SEMA3B: variants seen among roughly 807,000 people sequenced by gnomAD.
The protein encoded by SEMA3B is semaphorin 3B.
SEMA3B carries 71 observed loss-of-function variants against 77.8 expected under a neutral mutation model. The ratio of observed to expected loss-of-function variants is 0.91; its 90% CI spans 0.75 to 1.11. The LOEUF (loss-of-function observed/expected upper bound fraction) is 1.11. SEMA3B is among the 50% of genes most tolerant of loss of function. SEMA3B has a pLI of 0.00. For synonymous variants in SEMA3B, 470 were observed against 452.9 expected, an observed-to-expected ratio of 1.04 and a Z score of -0.48; for missense variants, 968 against 1,056.8, an observed-to-expected ratio of 0.92 and a Z score of 1.17.
At position 50,270,817 on chromosome 3, in the gene SEMA3B, G is replaced by A. The variant is rs1701026588; in HGVS notation, c.331-73G>A. On this transcript the variant is annotated intron_variant, in intron 3 of 16. Coordinates refer to ENST00000616701, the MANE Select transcript of SEMA3B (RefSeq NM_001290060.2). The surrounding 1 kb of genome is among the most constrained non-coding windows in gnomAD (Gnocchi z 4.7). ...TGATGCCGAAGAGAGGGAGGGGTGA[G>A]GATGCCACTGGTGAGCTGGGACCTC... 6.5e-7 allele frequency: 1 copy of A among 1,542,934 alleles called. No individual in the cohort carries two copies.
Position 50,270,346 on chromosome 3 carries a change from C to G in SEMA3B, c.267+62C>G. ...AGGAGCCCTGGGACCCCACTCCAGC[C>G]TGGAGAGACCCAGAGGAATGGCTCC... On this transcript the variant is annotated intron_variant, in intron 2 of 16. Coordinates refer to ENST00000616701, the MANE Select transcript of SEMA3B (RefSeq NM_001290060.2). The surrounding 1 kb of genome is among the most constrained non-coding windows in gnomAD (Gnocchi z 4.7). 6.2e-7 allele frequency: 1 copy of G among 1,609,762 alleles called. No individual in the cohort carries two copies. The highest frequency in any genetic ancestry group is 8.5e-7 in the Non-Finnish European group (1 of 1,176,744).
rs782289230 is a variant in SEMA3B at position 50,273,313 on chromosome 3, A to G, written c.680A>G (p.Lys227Arg). The G allele has an allele frequency of 2.5e-6, 4 of 1,613,880 alleles. No individual in the cohort carries two copies. Among genetic ancestry groups the G allele is most frequent in the Admixed American group, 1.7e-5 (1 of 60,010 alleles). Residue 227 changes from lysine (K) to arginine (R), a missense_variant, in exon 7 of 17, where the codon AAG (lysine) becomes AGG (arginine). Transcript: ENST00000616701. The surrounding 1 kb of genome is among the most constrained non-coding windows in gnomAD (Gnocchi z 6.5). ...CCGCGGTCAGAGCCCAAGTTTGTCA[A>G]GGTATTTTGGATCCCGGAGAGCGAG... ...SRWLNEPKFVKVFWIPESENP... is the reference protein window; with the variant it reads ...SRWLNEPKFVRVFWIPESENP...
chr3:50,270,140 G>T lies in SEMA3B; in HGVS notation c.123G>T (p.Trp41Cys). The T allele has an allele frequency of 1.3e-6, 2 of 1,556,348 alleles. No homozygotes were observed. The highest frequency in any genetic ancestry group is 1.7e-6 in the Non-Finnish European group (2 of 1,151,670). The change falls in exon 2 of 17, where the codon TGG becomes TGT. Residue 41 changes from tryptophan (W) to cysteine (C), a missense_variant. Physicochemically the swap from Trp to Cys is radical, Grantham distance 215. Transcript: ENST00000616701. This position sits in a 1 kb window ranked among gnomAD's most constrained non-coding sequence, Gnocchi z 4.7. ...LRLSFQELQAWHGLQTFSLER... is the reference protein window; with the variant it reads ...LRLSFQELQACHGLQTFSLER... The stretch of plus-strand genomic sequence containing the variant: ...CCTGCCCTGCAGAGCTCCAGGCCTG[G>T]CATGGTCTCCAGACTTTCAGCCTGG...
chr3:50,277,364 A>G lies in SEMA3B; in HGVS notation c.*658A>G, dbSNP rs1228569127. ...TCAGGAGATGGAAACCATCCCGGCT[A>G]ACACGGTGAAACCCCGTCTGTACTA... On this transcript the variant is annotated 3_prime_UTR_variant, in exon 17 of 17. Transcript: ENST00000616701. 2 of 151,968 alleles carry G rather than the reference A, an allele frequency of 1.3e-5. No homozygotes were observed. The highest frequency in any genetic ancestry group is 2.9e-5 in the Non-Finnish European group (2 of 68,028). The allele number at this position is 151,968 out of a possible 1,614,324, so 9.4% of individuals were successfully genotyped here. A position where few individuals can be genotyped will look rare whatever the true frequency, so the allele number is the denominator to read the frequency against.
At position 50,275,372 on chromosome 3, in the gene SEMA3B, G is replaced by A; in HGVS notation, c.1562G>A (p.Arg521His). The A allele has an allele frequency of 6.3e-7, 1 of 1,586,548 alleles. No individual in the cohort carries two copies. Among genetic ancestry groups the A allele is most frequent in the Non-Finnish European group, 8.6e-7 (1 of 1,167,528 alleles). ...IALHRCAAHG[R>H]VCTECCLARD... ...TTGCACCGCTGCGCTGCCCACGGCC[G>A]CGTCTGCACCGAATGCTGTCTGGCG... The change falls in exon 14 of 17, where the codon CGC becomes CAC. Residue 521 changes from arginine to histidine, a missense_variant. Coordinates refer to ENST00000616701, the MANE Select transcript of SEMA3B (RefSeq NM_001290060.2). This position sits in a 1 kb window ranked among gnomAD's most constrained non-coding sequence, Gnocchi z 7.5.
At position 50,273,956 on chromosome 3, in the gene SEMA3B, G is replaced by A; in HGVS notation, c.1036G>A (p.Asp346Asn). 1 of 1,613,624 alleles carries A rather than the reference G, an allele frequency of 6.2e-7. No individual in the cohort carries two copies. The highest frequency in any genetic ancestry group is 2.2e-5 in the East Asian group (1 of 44,860). The change falls in exon 10 of 17, where the codon GAC becomes AAC. Residue 346 changes from aspartate (D) to asparagine (N), a missense_variant. Transcript: ENST00000616701. The surrounding 1 kb of genome is among the most constrained non-coding windows in gnomAD (Gnocchi z 6.5). ...GSAVCVYSMN[D>N]VRRAFLGPFA... ...TGCGGTGTGCGTGTACAGCATGAAC[G>A]ACGTGCGCCGGGCCTTCTTGGGACC...
rs1490011078 is a variant in SEMA3B at position 50,273,743 on chromosome 3, G to A, written c.923-16G>A. ...GGGGCTGTGCGCCCTACCCCAGCTA[G>A]GCCCCTTCCCCGCAGAGGATGTGTT... On this transcript the variant is annotated splice_polypyrimidine_tract_variant and intron_variant, in intron 8 of 16. Coordinates refer to ENST00000616701, the MANE Select transcript of SEMA3B (RefSeq NM_001290060.2). The surrounding 1 kb of genome is among the most constrained non-coding windows in gnomAD (Gnocchi z 6.5). 22 of 1,604,916 alleles carry A rather than the reference G, an allele frequency of 1.4e-5. No individual in the cohort carries two copies. Among genetic ancestry groups the A allele is most frequent in the Non-Finnish European group, 1.9e-5 (22 of 1,178,666 alleles).
In SEMA3B at chr3:50,274,813, A is replaced by C; in HGVS notation, c.1358-30A>C. ...CTAGCCCCAGCTGTCCGGGAGCACC[A>C]ATGGTCATTACCCCTTCTCATCCCT... On this transcript the variant is annotated intron_variant, in intron 11 of 16. Coordinates refer to ENST00000616701, the MANE Select transcript of SEMA3B (RefSeq NM_001290060.2). This position sits in a 1 kb window ranked among gnomAD's most constrained non-coding sequence, Gnocchi z 4.7. 3 of 1,605,260 alleles carry C rather than the reference A, an allele frequency of 1.9e-6. No individual in the cohort carries two copies. Among genetic ancestry groups the C allele is most frequent in the Non-Finnish European group, 2.5e-6 (3 of 1,176,634 alleles).
Position 50,269,263 on chromosome 3 carries a change from C to T in SEMA3B, c.23C>T (p.Ala8Val), listed in dbSNP as rs1553704930. 1 of 1,537,328 alleles carries T rather than the reference C, an allele frequency of 6.5e-7. No homozygotes were observed. Among genetic ancestry groups the T allele is most frequent in the Non-Finnish European group, 8.7e-7 (1 of 1,146,624 alleles). Residue 8 changes from alanine (A) to valine (V), a missense_variant, in exon 1 of 17, where the codon GCC (alanine) becomes GTC (valine). Transcript: ENST00000616701. The surrounding 1 kb of genome is among the most constrained non-coding windows in gnomAD (Gnocchi z 4.0). MGRAGAAAVIPGLALLWA... is the reference protein window; with the variant it reads MGRAGAAVVIPGLALLWA... ...GAGATGGGGCGGGCCGGGGCTGCCG[C>T]CGTGATCCCGGGCCTGGCCCTGCTC... is the stretch of plus-strand genomic sequence containing the variant.
At position 50,273,603 on chromosome 3, in the gene SEMA3B, C is replaced by T; in HGVS notation, c.879C>T (p.Cys293=). 1.2e-6 allele frequency: 2 copies of T among 1,612,888 alleles called. No individual in the cohort carries two copies. The highest frequency in any genetic ancestry group is 1.7e-6 in the Non-Finnish European group (2 of 1,179,720). Residue 293 remains cysteine (C), a synonymous_variant, in exon 8 of 17, where the codon TGC becomes TGT. Coordinates refer to ENST00000616701, the MANE Select transcript of SEMA3B (RefSeq NM_001290060.2). This position sits in a 1 kb window ranked among gnomAD's most constrained non-coding sequence, Gnocchi z 6.5. ...WTTFLKARLV[C]SVPGVEGDTH... ...CGTTCCTGAAGGCGCGGCTGGTGTG[C>T]TCGGTGCCCGGCGTCGAGGGCGACA...
upstream of SEMA3B, among the ~76,000 whole-genome samples, chr3:50,265,961 A>G (rs1287539480): frequency 6.6e-6 from 1 of 152,236 alleles, no homozygotes; most frequent in East Asian, 1.9e-4. Flanking sequence ...CAATGGGGAC[A>G]GAGACAGTCT....
In SEMA3B at chr3:50,275,970, T is replaced by C; in HGVS notation, c.1845+126T>C. ...TCCCCGCCCTGTCCAGTTTGGTCCC[T>C]CACCTGCACTCCACAAGCTGCTGAG... is the stretch of plus-strand genomic sequence containing the variant. On this transcript the variant is annotated intron_variant, in intron 16 of 16. Transcript: ENST00000616701. This position sits in a 1 kb window ranked among gnomAD's most constrained non-coding sequence, Gnocchi z 7.5. 12 of 1,237,210 alleles carry C rather than the reference T, an allele frequency of 9.7e-6. No individual in the cohort carries two copies. The highest frequency in any genetic ancestry group is 1.3e-5 in the Non-Finnish European group (12 of 927,044). The allele number at this position is 1,237,210 out of a possible 1,614,324, so 76.6% of individuals were successfully genotyped here.
At chr3:50,264,502 G>A (rs1041459375), upstream of SEMA3B, among the ~76,000 whole-genome samples, 1 of 152,202 alleles carries the variant, frequency 6.6e-6, no homozygotes, top group African/African-American at 2.4e-5. Flanking sequence ...TCGGCTAAGC[G>A]GCAGGGTAGG....
In SEMA3B at chr3:50,273,168, A is replaced by G. The variant is rs1701104493; in HGVS notation, c.665-130A>G. 1.6e-5 allele frequency: 21 copies of G among 1,333,448 alleles called. 1 individual carries two copies. The highest frequency in any genetic ancestry group is 2.1e-5 in the Non-Finnish European group (21 of 983,322). The allele number at this position is 1,333,448 out of a possible 1,614,324, so 82.6% of individuals were successfully genotyped here. On this transcript the variant is annotated intron_variant, in intron 6 of 16. Coordinates refer to ENST00000616701, the MANE Select transcript of SEMA3B (RefSeq NM_001290060.2). The surrounding 1 kb of genome is among the most constrained non-coding windows in gnomAD (Gnocchi z 6.5). The stretch of plus-strand genomic sequence containing the variant: ...CAGAGCGCCAACTGGACATGGTGCT[A>G]GAGGTTGGGTGGTCAGACACTGTGA...
upstream of SEMA3B, chr3:50,269,040 G>A (rs1575465393): frequency 3.4e-6 from 2 of 590,178 alleles, no homozygotes; most frequent in East Asian, 5.8e-5. The surrounding 1 kb of genome is among the most constrained non-coding windows in gnomAD (Gnocchi z 4.0). Flanking sequence ...ACCCTCGGAG[G>A]GGAGGGTTCG....
chr3:50,265,597 A>G (rs376880946), upstream of SEMA3B, among the ~76,000 whole-genome samples: 1 of 152,210 alleles, frequency 6.6e-6, no homozygotes, highest in East Asian at 1.9e-4. Flanking sequence ...GTCTCTGCCC[A>G]TGGAAGCTCC....
upstream of SEMA3B, among the ~76,000 whole-genome samples, chr3:50,265,071 A>T (rs1405151407): frequency 1.3e-5 from 2 of 152,212 alleles, no homozygotes; most frequent in Non-Finnish European, 2.9e-5. Flanking sequence ...CTTTCAAAAA[A>T]GGTGGGCCAG....
intron 4 of SEMA3B, 22 bp downstream of exon 4, chr3:50,271,031 G>C: frequency 6.3e-7 from 1 of 1,589,188 alleles, no homozygotes; most frequent in East Asian, 2.3e-5. Context: ...TCTAGGCAGG[G>C]AGGGAGGTCA....
Position 50,275,472 on chromosome 3 carries a change from G to A in SEMA3B, c.1649+13G>A. The A allele has an allele frequency of 6.2e-7, 1 of 1,606,338 alleles. No homozygotes were observed. The highest frequency in any genetic ancestry group is 1.1e-5 in the South Asian group (1 of 90,826). ...CCAGTGCCAAGAGGTGGGCGGGGTCGGGGTTGGGCCGCCGGGAGGGAGGCG... is the reference window on the plus strand; with the variant it reads ...CCAGTGCCAAGAGGTGGGCGGGGTCAGGGTTGGGCCGCCGGGAGGGAGGCG... On this transcript the variant is annotated intron_variant, in intron 14 of 16. Transcript: ENST00000616701. The surrounding 1 kb of genome is among the most constrained non-coding windows in gnomAD (Gnocchi z 7.5).
Sources: allele counts gnomAD v4.1 joint callset (sites outside exome capture counted in the v4.1 genomes callset), GRCh38; gene constraint gnomAD v4.1.1; non-coding constraint Gnocchi (gnomAD v3.1); transcripts MANE v1.5; gene names NCBI Gene and HGNC (gene_info 2026-07-23, HGNC 2026-07-21).